Variants in KCNQ2 observed in about 807,000 individuals in gnomAD.
The protein encoded by KCNQ2 is potassium voltage-gated channel subfamily KQT member 2.
A neutral mutation model predicts 84.8 loss-of-function variants in KCNQ2; 14 were observed. The observed-to-expected ratio is 0.17, with a 90% CI of 0.11 to 0.26. The LOEUF is 0.26. KCNQ2 is among the 10% of genes least tolerant of loss of function. The pLI is 1.00. For missense variants in KCNQ2, 788 were observed against 1,254.0 expected (o/e 0.63, Z 5.61); for synonymous variants, 599 against 554.1 (o/e 1.08, Z -1.14).
chr20:63,435,189 G>T (rs949845460), intron 7 of KCNQ2, among the ~76,000 whole-genome samples: 28 of 152,270 alleles, frequency 1.8e-4, no homozygotes, highest in African/African-American at 6.5e-4. Flanking sequence ...AGGAGTTCAA[G>T]CCCAGCCTGG....
chr20:63,402,253 C>T lies in KCNQ2; in HGVS notation c.*4391G>A, dbSNP rs190959674. ...CGCCACGTCTGCCGGGCACCCTCCA[C>T]GGCAGGTCCGAGCTTTGTGAACCGT... is the stretch of plus-strand genomic sequence containing the variant. On this transcript the variant is annotated 3_prime_UTR_variant, in exon 17 of 17. Coordinates refer to ENST00000359125, the MANE Select transcript of KCNQ2 (RefSeq NM_172107.4). 2.3e-3 allele frequency: 421 copies of T among 181,172 alleles called. 7 individuals carry two copies. The Middle Eastern group carries it at 0.047, about 20-fold the overall frequency. 11.2% of individuals were successfully genotyped at this position (181,172 alleles called of 1,614,324 possible). A position where few individuals can be genotyped will look rare whatever the true frequency, so the allele number is the denominator to read the frequency against.
chr20:63,416,274 G>A (rs572376336), intron 12 of KCNQ2, among the ~76,000 whole-genome samples: 12 of 152,290 alleles, frequency 7.9e-5, no homozygotes, highest in Admixed American at 3.9e-4. Flanking sequence ...CCATACTCTC[G>A]GGGGGTCCTT....
At chr20:63,411,106 A>G (rs1251838876) in intron 15 of KCNQ2, 3 of 424,446 alleles carry the variant, frequency 7.1e-6, no homozygotes, top group African/African-American at 4.1e-5. Context: ...AAAAACACTA[A>G]TTAGGATGCT....
intron 12 of KCNQ2, among the ~76,000 whole-genome samples, chr20:63,418,297 C>A (rs1290489460): frequency 6.6e-6 from 1 of 152,212 alleles, no homozygotes; most frequent in Non-Finnish European, 1.5e-5. Flanking sequence ...TTGGGGCTTA[C>A]GGGGCCGGGG....
At chr20:63,431,897 A>T (rs1336837971) in intron 8 of KCNQ2, among the ~76,000 whole-genome samples, 1 of 151,580 alleles carries the variant, frequency 6.6e-6, no homozygotes, top group Non-Finnish European at 1.5e-5. Flanking sequence ...CCCACAGGGA[A>T]GGCCCCACCC....
rs1432452020 is a variant in KCNQ2, at chr20:63,405,425, G to C, written c.*1219C>G. On this transcript the variant is annotated 3_prime_UTR_variant, in exon 17 of 17. Coordinates refer to ENST00000359125, the MANE Select transcript of KCNQ2 (RefSeq NM_172107.4). ...ATGGGACGGTGCACCCGAGGCCCGA[G>C]ACCCCAAGAGGCCCCGCTAAGGAAT... 6.6e-6 allele frequency: 1 copy of C among 152,404 alleles called. No homozygotes were observed. The highest frequency in any genetic ancestry group is 1.5e-5 in the Non-Finnish European group (1 of 68,152). The allele number at this position is 152,404 out of a possible 1,614,324, so 9.4% of individuals were successfully genotyped here.
Position 63,406,452 on chromosome 20 carries a change from TG to T in KCNQ2, c.*191del. 1 of 696,456 alleles carries T rather than the reference TG, an allele frequency of 1.4e-6. No homozygotes were observed. Among genetic ancestry groups the T allele is most frequent in the Non-Finnish European group, 2.3e-6 (1 of 429,984 alleles). The allele number at this position is 696,456 out of a possible 1,614,324, so 43.1% of individuals were successfully genotyped here. The stretch of plus-strand genomic sequence containing the variant: ...CCCTGCCCAGCCCTCCAGCCCCTGT[TG>T]GAAAATAACTTTTGTAAAAGGTCAC... On this transcript the variant is annotated 3_prime_UTR_variant, in exon 17 of 17. Coordinates refer to ENST00000359125, the MANE Select transcript of KCNQ2 (RefSeq NM_172107.4).
intron 1 of KCNQ2, among the ~76,000 whole-genome samples, chr20:63,467,967 G>C (rs2082121126): frequency 6.6e-6 from 1 of 152,210 alleles, no homozygotes; most frequent in African/African-American, 2.4e-5. Flanking sequence ...CAGGAGGAGA[G>C]TTTCTGCTTA....
At position 63,412,417 on chromosome 20, in the gene KCNQ2, C is replaced by T. The variant is rs537572074; in HGVS notation, c.1763+1033G>A. On this transcript the variant is annotated intron_variant, in intron 15 of 16. Coordinates refer to ENST00000359125, the MANE Select transcript of KCNQ2 (RefSeq NM_172107.4). ...TTCCGCACACACACGCACACGCACA[C>T]GCAGCCAGGGTTGGCCGCTGCTCCA... 3.6e-4 allele frequency among the ~76,000 whole-genome samples: 55 copies of T among 152,358 alleles called. No individual in the cohort carries two copies. In the South Asian group the frequency reaches 9.1e-3, roughly 25 times the overall value.
At chr20:63,418,442 G>A (rs956561293) in intron 12 of KCNQ2, among the ~76,000 whole-genome samples, 1 of 152,212 alleles carries the variant, frequency 6.6e-6, no homozygotes. Context: ...CCCAGCTGGT[G>A]TCCGGACCAA....
At chr20:63,442,671 CCACCA>C in intron 4 of KCNQ2, 140 bp from the exon 5 acceptor site, 2 of 549,782 alleles carry the variant, frequency 3.6e-6, no homozygotes, top group Middle Eastern at 4.8e-4. Flanking sequence ...ATCACCACCA[CCACCA>C]CCACCACCAT....
At position 63,414,218 on chromosome 20, in the gene KCNQ2, AGGGGCCGAG is replaced by A; in HGVS notation, c.1526-34_1526-26del. On this transcript the variant is annotated intron_variant, in intron 13 of 16. Transcript: ENST00000359125. The surrounding 1 kb of genome is among the most constrained non-coding windows in gnomAD (Gnocchi z 6.6). ...TCTGGGGGGAAGGAGACAGGCCGTGAGGGGCCGAGGGGGCCGGGAGACCTATTCCCGGGG... is the reference window on the plus strand; with the variant it reads ...TCTGGGGGGAAGGAGACAGGCCGTGAGGGGCCGGGAGACCTATTCCCGGGG... The A allele has an allele frequency of 6.5e-7, 1 of 1,536,142 alleles. No homozygotes were observed. The highest frequency in any genetic ancestry group is 1.1e-5 in the South Asian group (1 of 89,518).
At chr20:63,437,891 C>G (rs979652672) in intron 7 of KCNQ2, among the ~76,000 whole-genome samples, 7 of 152,142 alleles carry the variant, frequency 4.6e-5, no homozygotes, top group South Asian at 2.1e-4. Context: ...CTCACTGCAA[C>G]CTCCGCCTCC....
At position 63,404,541 on chromosome 20, in the gene KCNQ2, C is replaced by G. The variant is rs207477713; in HGVS notation, c.*2103G>C. On this transcript the variant is annotated 3_prime_UTR_variant, in exon 17 of 17. Transcript: ENST00000359125. The stretch of plus-strand genomic sequence containing the variant: ...CAGGTAGCTGAGACGGAACTGGGGA[C>G]ACGGGGAGCGGTGGCCGGGGCTGGT... 6.6e-6 allele frequency: 1 copy of G among 152,420 alleles called. No homozygotes were observed. The highest frequency in any genetic ancestry group is 1.5e-5 in the Non-Finnish European group (1 of 68,224). 9.4% of individuals were successfully genotyped at this position (152,420 alleles called of 1,614,324 possible).
intron 1 of KCNQ2, among the ~76,000 whole-genome samples, chr20:63,451,670 G>A (rs1024341791): frequency 6.6e-6 from 1 of 152,116 alleles, no homozygotes; most frequent in African/African-American, 2.4e-5. Flanking sequence ...TTCCAGGCTC[G>A]ATTCACGACG....
In KCNQ2 at chr20:63,438,522, A is replaced by T; in HGVS notation, c.1023+103T>A. ...CTGCAGAGGGTGAGCGCTGTGGCCC[A>T]TCCACAGACAGGGCAATGCCAAAGC... On this transcript the variant is annotated intron_variant, in intron 7 of 16. Transcript: ENST00000359125. The surrounding 1 kb of genome is among the most constrained non-coding windows in gnomAD (Gnocchi z 5.1). 1.1e-6 allele frequency: 1 copy of T among 938,078 alleles called. No homozygotes were observed. Among genetic ancestry groups the T allele is most frequent in the Non-Finnish European group, 1.7e-6 (1 of 574,348 alleles). The allele number at this position is 938,078 out of a possible 1,614,324, so 58.1% of individuals were successfully genotyped here.
chr20:63,446,436 C>G lies in KCNQ2; in HGVS notation c.387+311G>C, dbSNP rs1324053302. Among the ~76,000 whole-genome samples the G allele has an allele frequency of 6.6e-6, 1 of 152,168 alleles. No homozygotes were observed. Among genetic ancestry groups the G allele is most frequent in the African/African-American group, 2.4e-5 (1 of 41,448 alleles). ...TGGGGACGCCCCACATCTCCGGCTC[C>G]AGAGATAAAGTGGGGATGGGAAAGG... On this transcript the variant is annotated intron_variant, in intron 2 of 16. Coordinates refer to ENST00000359125, the MANE Select transcript of KCNQ2 (RefSeq NM_172107.4). The surrounding 1 kb of genome is among the most constrained non-coding windows in gnomAD (Gnocchi z 5.5).
At chr20:63,413,137 C>A (rs977340304) in intron 15 of KCNQ2, 2 of 420,682 alleles carry the variant, frequency 4.8e-6, no homozygotes, top group Non-Finnish European at 9.3e-6. Context: ...CACACATACA[C>A]CTGTGCAGAA....
chr20:63,414,150 G>C lies in KCNQ2; in HGVS notation c.1569C>G (p.Cys523Trp). The C allele has an allele frequency of 6.2e-7, 1 of 1,613,720 alleles. No homozygotes were observed. The highest frequency in any genetic ancestry group is 8.5e-7 in the Non-Finnish European group (1 of 1,179,954). The change falls in exon 14 of 17, where the codon TGC (cysteine) becomes TGG (tryptophan). Residue 523 changes from cysteine to tryptophan, a missense_variant. Physicochemically the swap from Cys to Trp is radical, Grantham distance 215. Around this residue, in one of 8 missense-constraint regions of KCNQ2, gnomAD observed 202 missense variants for 239.4 expected, o/e 0.84. Coordinates refer to ENST00000359125, the MANE Select transcript of KCNQ2 (RefSeq NM_172107.4). The surrounding 1 kb of genome is among the most constrained non-coding windows in gnomAD (Gnocchi z 6.6). ...PGEDIVDDKS[C>W]PCEFVTEDLT... Reference sequence around the variant, plus strand: ...GGTCCTCGGTCACAAACTCGCAGGGGCAGCTCTTGTCATCCACAATGTCCT... The same window carrying C: ...GGTCCTCGGTCACAAACTCGCAGGGCCAGCTCTTGTCATCCACAATGTCCT...
Sources: gnomAD v4.1 joint callset for allele counts (sites outside exome capture counted in the v4.1 genomes callset) on GRCh38, gnomAD v4.1.1 for gene constraint, gnomAD v4.1.1 regional missense constraint, Gnocchi (gnomAD v3.1) non-coding constraint, MANE v1.5 for transcripts, NCBI Gene and HGNC (gene_info 2026-07-23, HGNC 2026-07-21) for gene names.